CEACAM3: variants seen among roughly 807,000 people sequenced by gnomAD.
CEACAM3 encodes cell adhesion molecule CEACAM3.
In CEACAM3, 32 loss-of-function variants were observed where a neutral mutation model predicts 30.1. That is an observed-to-expected ratio of 1.06 (90% CI 0.80 to 1.43). The LOEUF (loss-of-function observed/expected upper bound fraction) is 1.43, where lower values mean the gene tolerates loss of function less well. Among genes scored for constraint, CEACAM3 ranks in the 40% most tolerant of loss-of-function variants. The probability of loss-of-function intolerance (pLI) is 0.00; values close to 1 mark genes in which losing one functional copy is unlikely to be tolerated. For missense variants in CEACAM3, 290 were observed against 316.3 expected (o/e 0.92, Z 0.63); for synonymous variants, 134 against 127.2 (o/e 1.05, Z -0.36).
At chr19:41,810,527 C>T (rs112608111) in intron 5 of CEACAM3, among the ~76,000 whole-genome samples, 173 bp downstream of exon 5, 44 of 152,214 alleles carry the variant, frequency 2.9e-4, no homozygotes, top group African/African-American at 9.6e-4. Flanking sequence ...GTCAGGACCA[C>T]CCACGCCCTG....
chr19:41,802,018 C>T lies in CEACAM3; in HGVS notation c.424+4070C>T, dbSNP rs782397901. Reference sequence around the variant, plus strand: ...ACACTGAATTTTTCCCATGGTTAGCCTGGCTTGTGCCCAGGAATGAGCAAG... The same window carrying T: ...ACACTGAATTTTTCCCATGGTTAGCTTGGCTTGTGCCCAGGAATGAGCAAG... On this transcript the variant is annotated intron_variant, in intron 2 of 6. Transcript: ENST00000357396. Among the ~76,000 whole-genome samples, 12 of 152,322 alleles carry T rather than the reference C, an allele frequency of 7.9e-5. No individual in the cohort carries two copies. In the Middle Eastern group the frequency reaches 0.017, roughly 216 times the overall value.
At chr19:41,797,086 C>T (rs2073108327) in intron 1 of CEACAM3, 1 of 275,308 alleles carries the variant, frequency 3.6e-6, no homozygotes, top group Admixed American at 4.7e-5. Flanking sequence ...GCAAAATAAC[C>T]ACCACTCCTT....
At chr19:41,804,098 T>C (rs1555826392) in intron 2 of CEACAM3, among the ~76,000 whole-genome samples, 1 of 143,296 alleles carries the variant, frequency 7.0e-6, no homozygotes, top group South Asian at 2.2e-4. Context: ...AAAAAAAGAG[T>C]GGGTAAAAAA....
In CEACAM3 at chr19:41,806,293, G is replaced by A. The variant is rs190486331; in HGVS notation, c.425-2520G>A. ...GATCTGCCCACCTCGGCCTCCCCAA[G>A]TGCTGGGATTACAGGTGTGAGCCAC... is the stretch of plus-strand genomic sequence containing the variant. On this transcript the variant is annotated intron_variant, in intron 2 of 6. Transcript: ENST00000357396. Among the ~76,000 whole-genome samples the A allele has an allele frequency of 5.6e-3, 851 of 152,212 alleles. 7 individuals carry two copies. The highest frequency in any genetic ancestry group is 0.019 in the African/African-American group (793 of 41,536).
chr19:41,803,002 TTCCTTTTA>T (rs1162558666), intron 2 of CEACAM3, among the ~76,000 whole-genome samples: 2 of 152,144 alleles, frequency 1.3e-5, no homozygotes, highest in Non-Finnish European at 2.9e-5. Context: ...CTCACCCAAG[TTCCTTTTA>T]CCCAGAATAT....
At chr19:41,804,296 G>A (rs1009403582) in intron 2 of CEACAM3, among the ~76,000 whole-genome samples, 11 of 152,116 alleles carry the variant, frequency 7.2e-5, no homozygotes, top group African/African-American at 2.7e-4. Flanking sequence ...CCCTCATGAT[G>A]ATGCCATTAT....
chr19:41,810,894 T>G lies in CEACAM3; in HGVS notation c.690T>G (p.Tyr230Ter), dbSNP rs782514120. The change falls in exon 6 of 7, where the codon TAT becomes TAG. Residue 230 changes from tyrosine (Y) to a stop codon, truncating the protein, a stop_gained. Coordinates refer to ENST00000357396, the MANE Select transcript of CEACAM3 (RefSeq NM_001815.5). LOFTEE classifies it low-confidence loss of function (END_TRUNC). ...ACCCCAGGACAGCAGCTTCCATCTA[T>G]GAGGTGAGTGTGGGCCACGGATGTT... ...LPNPRTAASI[Y>*]EELLKHDTNI... The G allele has an allele frequency of 1.2e-6, 2 of 1,613,418 alleles. No homozygotes were observed. The highest frequency in any genetic ancestry group is 1.7e-6 in the Non-Finnish European group (2 of 1,179,646).
intron 3 of CEACAM3, chr19:41,809,321 G>A (rs774227562): frequency 3.7e-5 from 7 of 187,828 alleles, no homozygotes; most frequent in Non-Finnish European, 6.6e-5. Flanking sequence ...TGCAGGCTCC[G>A]GATCCTGGGC....
rs1555825390 is a variant in CEACAM3, at chr19:41,797,684, C to G, written c.160C>G (p.Leu54Val). ...CGCAGAGGGGAAGGAGGTGCTTCTA[C>G]TTGTCCACAATCTGCCCCAGCATCT... ...SVAEGKEVLL[L>V]VHNLPQHLFG... Residue 54 changes from leucine (L) to valine (V), a missense_variant, in exon 2 of 7, where the codon CTT (leucine) becomes GTT (valine). Transcript: ENST00000357396. The G allele has an allele frequency of 6.2e-7, 1 of 1,614,120 alleles. No individual in the cohort carries two copies.
Position 41,808,847 on chromosome 19 carries a change from C to T in CEACAM3, c.459C>T (p.Val153=), listed in dbSNP as rs530553700. 76 of 1,611,690 alleles carry T rather than the reference C, an allele frequency of 4.7e-5. No individual in the cohort carries two copies. The highest frequency in any genetic ancestry group is 5.9e-5 in the Non-Finnish European group (70 of 1,178,810). ...ENAPGLPVGA[V]AGIVTGVLVG... ...CCCCAGGCCTTCCTGTGGGGGCCGTCGCCGGCATCGTGACCGGGGTCCTGG... is the reference window on the plus strand; with the variant it reads ...CCCCAGGCCTTCCTGTGGGGGCCGTTGCCGGCATCGTGACCGGGGTCCTGG... Residue 153 remains valine, a synonymous_variant, in exon 3 of 7, where the codon GTC becomes GTT. Transcript: ENST00000357396.
rs574620460 is a variant in CEACAM3 at position 41,806,966 on chromosome 19, C to T, written c.425-1847C>T. On this transcript the variant is annotated intron_variant, in intron 2 of 6. Coordinates refer to ENST00000357396, the MANE Select transcript of CEACAM3 (RefSeq NM_001815.5). ...CCTCCCAAAGTGCTGGGATTACAGG[C>T]GTGAGCCACCGCACCCGGCCTTGTC... 53 of 1,440,026 alleles carry T rather than the reference C, an allele frequency of 3.7e-5. No homozygotes were observed. In the East Asian group the frequency reaches 9.0e-4, roughly 24 times the overall value. 89.2% of individuals were successfully genotyped at this position (1,440,026 alleles called of 1,614,324 possible).
chr19:41,805,333 C>T (rs563054851), intron 2 of CEACAM3, among the ~76,000 whole-genome samples: 32 of 149,122 alleles, frequency 2.1e-4, no homozygotes, highest in Non-Finnish European at 3.4e-4. Context: ...CTCTTGTCAC[C>T]CAGGCTGGAG....
chr19:41,808,947 C>T lies in CEACAM3; in HGVS notation c.542+17C>T. On this transcript the variant is annotated intron_variant, in intron 3 of 6. Coordinates refer to ENST00000357396, the MANE Select transcript of CEACAM3 (RefSeq NM_001815.5). ...AACTGGAAGGTACCACAGCTTTTTC[C>T]CATCCTTCTCCCACCCCCTAGGCTG... 6.6e-7 allele frequency: 1 copy of T among 1,520,968 alleles called. No individual in the cohort carries two copies. The highest frequency in any genetic ancestry group is 8.9e-7 in the Non-Finnish European group (1 of 1,124,736). The allele number at this position is 1,520,968 out of a possible 1,614,324, so 94.2% of individuals were successfully genotyped here. A position where few individuals can be genotyped will look rare whatever the true frequency, so the allele number is the denominator to read the frequency against.
At chr19:41,803,931 A>G (rs1245825792) in intron 2 of CEACAM3, among the ~76,000 whole-genome samples, 1 of 152,108 alleles carries the variant, frequency 6.6e-6, no homozygotes, top group Non-Finnish European at 1.5e-5. Context: ...AATACAAAAA[A>G]TTAGCCAGGC....
At position 41,808,900 on chromosome 19, in the gene CEACAM3, T is replaced by C; in HGVS notation, c.512T>C (p.Val171Ala). The stretch of plus-strand genomic sequence containing the variant: ...GGAGTGGCGCTGGTGGCCGCGCTGG[T>C]GTGTTTCCTGCTCCTTGCCAAAACT... Reference protein sequence around the residue: ...LVGVALVAALVCFLLLAKTGR... With the variant: ...LVGVALVAALACFLLLAKTGR... The change falls in exon 3 of 7, where the codon GTG becomes GCG. Residue 171 changes from valine (V) to alanine (A), a missense_variant. Val to Ala is a moderately conservative substitution (Grantham distance 64). Coordinates refer to ENST00000357396, the MANE Select transcript of CEACAM3 (RefSeq NM_001815.5). The C allele has an allele frequency of 1.9e-6, 3 of 1,605,050 alleles. No homozygotes were observed. Among genetic ancestry groups the C allele is most frequent in the Non-Finnish European group, 8.5e-7 (1 of 1,175,616 alleles).
chr19:41,797,601 A>G lies in CEACAM3; in HGVS notation c.77A>G (p.Asn26Ser), dbSNP rs1282049960. 1 of 1,613,272 alleles carries G rather than the reference A, an allele frequency of 6.2e-7. No individual in the cohort carries two copies. Among genetic ancestry groups the G allele is most frequent in the Non-Finnish European group, 8.5e-7 (1 of 1,179,554 alleles). The change falls in exon 2 of 7, where the codon AAC becomes AGC. Residue 26 changes from asparagine to serine, a missense_variant. Asn to Ser is a conservative substitution (Grantham distance 46). Coordinates refer to ENST00000357396, the MANE Select transcript of CEACAM3 (RefSeq NM_001815.5). ...TTCTCCCTCCTAGCCTCACTTCTAA[A>G]CTTCTGGAACCCGCCCACCACTGCC... ...QGLLLTASLL[N>S]FWNPPTTAKL...
Position 41,804,317 on chromosome 19 carries a change from G to T in CEACAM3, c.425-4496G>T, listed in dbSNP as rs75369233. ...TGATGATGCCATTATCATAAGATGGGGTCTTCGGGTGGGGAGATGCACCAG... is the reference window on the plus strand; with the variant it reads ...TGATGATGCCATTATCATAAGATGGTGTCTTCGGGTGGGGAGATGCACCAG... On this transcript the variant is annotated intron_variant, in intron 2 of 6. Coordinates refer to ENST00000357396, the MANE Select transcript of CEACAM3 (RefSeq NM_001815.5). 1.5e-3 allele frequency among the ~76,000 whole-genome samples: 223 copies of T among 152,204 alleles called. 3 individuals carry two copies. Among genetic ancestry groups the T allele is most frequent in the African/African-American group, 5.1e-3 (212 of 41,532 alleles).
intron 2 of CEACAM3, among the ~76,000 whole-genome samples, chr19:41,806,515 G>T (rs559610424): frequency 6.6e-6 from 1 of 152,154 alleles, no homozygotes; most frequent in African/African-American, 2.4e-5. Flanking sequence ...GTGACTCCTG[G>T]TCCTGTGTCT....
At position 41,811,322 on chromosome 19, in the gene CEACAM3, G is replaced by A; in HGVS notation, c.*85G>A. 1 of 1,184,370 alleles carries A rather than the reference G, an allele frequency of 8.4e-7. No homozygotes were observed. Among genetic ancestry groups the A allele is most frequent in the Non-Finnish European group, 1.3e-6 (1 of 796,954 alleles). The allele number at this position is 1,184,370 out of a possible 1,614,324, so 73.4% of individuals were successfully genotyped here. A position where few individuals can be genotyped will look rare whatever the true frequency, so the allele number is the denominator to read the frequency against. Reference sequence around the variant, plus strand: ...GGATGGGGAAGGACATGAAGCCTGAGCCAGAGAACCAGCTATAAGTCCTGA... The same window carrying A: ...GGATGGGGAAGGACATGAAGCCTGAACCAGAGAACCAGCTATAAGTCCTGA... On this transcript the variant is annotated 3_prime_UTR_variant, in exon 7 of 7. Transcript: ENST00000357396.
Sources: gnomAD v4.1 joint callset for allele counts (sites outside exome capture counted in the v4.1 genomes callset) on GRCh38, gnomAD v4.1.1 for gene constraint, MANE v1.5 for transcripts, NCBI Gene and HGNC (gene_info 2026-07-23, HGNC 2026-07-21) for gene names.